Variants in PTPRQ observed in about 807,000 individuals in gnomAD.
The protein encoded by PTPRQ is phosphatidylinositol phosphatase PTPRQ.
In PTPRQ, 199 loss-of-function variants were observed where a neutral mutation model predicts 246.0. The ratio of observed to expected loss-of-function variants is 0.81; its 90% CI spans 0.72 to 0.91. The LOEUF (loss-of-function observed/expected upper bound fraction) is 0.91. Among genes scored for constraint, PTPRQ ranks in the 40% least tolerant of loss-of-function variants. The pLI, the probability that PTPRQ is intolerant of heterozygous loss-of-function variation, is 0.00. For missense variants in PTPRQ, 2,624 were observed against 2,528.4 expected (o/e 1.04, Z -0.81); for synonymous variants, 869 against 853.2 (o/e 1.02, Z -0.32).
intron 33 of PTPRQ, among the ~76,000 whole-genome samples, chr12:80,627,876 A>C (rs578100094): frequency 1.1e-3 from 174 of 152,260 alleles, no homozygotes; most frequent in African/African-American, 4.1e-3. Flanking sequence ...TGAATCAGAA[A>C]GTGTACTTGA....
Position 80,622,101 on chromosome 12 carries a change from G to A in PTPRQ, c.5653G>A (p.Asp1885Asn), listed in dbSNP as rs752287235. 6.9e-7 allele frequency: 1 copy of A among 1,448,758 alleles called. No homozygotes were observed. The highest frequency in any genetic ancestry group is 1.5e-5 in the South Asian group (1 of 66,676). The allele number at this position is 1,448,758 out of a possible 1,614,324, so 89.7% of individuals were successfully genotyped here. The change falls in exon 33 of 45, where the codon GAC becomes AAC. Residue 1885 changes from aspartate (D) to asparagine (N), a missense_variant. Transcript: ENST00000644991. The stretch of plus-strand genomic sequence containing the variant: ...TACAAATATTATGGGACAATTTACT[G>A]ACTCTGATTATTCTGACCCTGTTAA... ...RATNIMGQFT[D>N]SDYSDPVKTL...
chr12:80,571,691 T>C (rs1357110301), intron 25 of PTPRQ, among the ~76,000 whole-genome samples: 1 of 152,158 alleles, frequency 6.6e-6, no homozygotes, highest in Non-Finnish European at 1.5e-5. Context: ...TCTTGAATTT[T>C]GGGTGTGTAG....
chr12:80,460,249 T>C (rs1005765014), intron 5 of PTPRQ, among the ~76,000 whole-genome samples: 2 of 152,218 alleles, frequency 1.3e-5, no homozygotes, highest in African/African-American at 4.8e-5. Flanking sequence ...AGTGGCATAC[T>C]ACTACTTTTT....
chr12:80,478,455 C>G lies in PTPRQ; in HGVS notation c.1187-5978C>G, dbSNP rs538347278. 7.5e-3 allele frequency among the ~76,000 whole-genome samples: 1,146 copies of G among 152,108 alleles called. 14 individuals carry two copies. Among genetic ancestry groups the G allele is most frequent in the African/African-American group, 0.026 (1,091 of 41,436 alleles). ...AAAAACAGAACAGAAAAACTGGAAA[C>G]TCTAAAAAGCAGAGCGCCTCTCCTC... On this transcript the variant is annotated intron_variant, in intron 8 of 44. Coordinates refer to ENST00000644991, the MANE Select transcript of PTPRQ (RefSeq NM_001145026.2).
Position 80,546,793 on chromosome 12 carries a change from G to A in PTPRQ, c.4015+96G>A. The A allele has an allele frequency of 7.1e-6, 10 of 1,412,900 alleles. No individual in the cohort carries two copies. The South Asian group carries it at 1.5e-4, about 21-fold the overall frequency. 87.5% of individuals were successfully genotyped at this position (1,412,900 alleles called of 1,614,324 possible). ...TATATGATAAAGTATCATTACTTAAGAGTCTACTCAAAGGGAAATTGCATT... is the reference window on the plus strand; with the variant it reads ...TATATGATAAAGTATCATTACTTAAAAGTCTACTCAAAGGGAAATTGCATT... On this transcript the variant is annotated intron_variant, in intron 24 of 44. Transcript: ENST00000644991.
In PTPRQ at chr12:80,549,655, T is replaced by C. The variant is rs1236796920; in HGVS notation, c.4206T>C (p.Tyr1402=). 5 of 1,551,182 alleles carry C rather than the reference T, an allele frequency of 3.2e-6. No homozygotes were observed. The highest frequency in any genetic ancestry group is 2.4e-5 in the East Asian group (1 of 40,902). ...TFIKLLANTS[Y]VFKVRASTSA... The stretch of plus-strand genomic sequence containing the variant: ...TAAAGCTTCTTGCCAATACCTCATA[T>C]GTCTTTAAAGTAAGAGCTTCAACCT... Residue 1402 remains tyrosine (Y), a synonymous_variant, in exon 25 of 45, where the codon TAT becomes TAC. Coordinates refer to ENST00000644991, the MANE Select transcript of PTPRQ (RefSeq NM_001145026.2).
At chr12:80,501,055 G>A (rs1894784214) in intron 14 of PTPRQ, among the ~76,000 whole-genome samples, 1 of 151,838 alleles carries the variant, frequency 6.6e-6, no homozygotes, top group Non-Finnish European at 1.5e-5. Context: ...TGTTCCAGAG[G>A]AAGAACAGCA....
intron 25 of PTPRQ, among the ~76,000 whole-genome samples, chr12:80,550,608 A>AC (rs1896445524): frequency 6.6e-6 from 1 of 152,058 alleles, no homozygotes; most frequent in Non-Finnish European, 1.5e-5. Context: ...TAGATCTCAT[A>AC]CCATGTCATT....
chr12:80,672,931 A>G (rs1296900553), intron 42 of PTPRQ, among the ~76,000 whole-genome samples: 3 of 152,128 alleles, frequency 2.0e-5, no homozygotes, highest in Non-Finnish European at 4.4e-5. Context: ...GTTAAGTTCC[A>G]CTGATTAAAG....
intron 41 of PTPRQ, 42 bp downstream of exon 41, chr12:80,669,506 A>G: frequency 6.6e-7 from 1 of 1,521,232 alleles, no homozygotes; most frequent in Non-Finnish European, 8.8e-7. Flanking sequence ...GATATAAAAT[A>G]TGATTGATCT....
intron 25 of PTPRQ, among the ~76,000 whole-genome samples, chr12:80,582,692 T>G (rs1897482054): frequency 6.6e-6 from 1 of 152,126 alleles, no homozygotes; most frequent in African/African-American, 2.4e-5. Flanking sequence ...TCACTCAGTC[T>G]ATAGTAACTT....
chr12:80,451,044 C>A (rs1052136672), intron 3 of PTPRQ, among the ~76,000 whole-genome samples: 3 of 152,162 alleles, frequency 2.0e-5, no homozygotes, highest in African/African-American at 7.2e-5. Context: ...CGCTTATTGC[C>A]ACAATTTCAG....
intron 17 of PTPRQ, among the ~76,000 whole-genome samples, chr12:80,532,811 A>G (rs1895882620): frequency 6.6e-6 from 1 of 152,152 alleles, no homozygotes; most frequent in Non-Finnish European, 1.5e-5. Flanking sequence ...CCGAATCCAT[A>G]TTTTTCTCAC....
In PTPRQ at chr12:80,539,848, A is replaced by G. The variant is rs1373836854; in HGVS notation, c.3058A>G (p.Ile1020Val). The G allele has an allele frequency of 1.0e-5, 16 of 1,549,304 alleles. No individual in the cohort carries two copies. Among genetic ancestry groups the G allele is most frequent in the Non-Finnish European group, 1.1e-5 (13 of 1,145,916 alleles). Residue 1020 changes from isoleucine to valine, a missense_variant, in exon 20 of 45, where the codon ATA becomes GTA. Transcript: ENST00000644991. The part of the protein sequence containing the change: ...TVSTIIDKLT[I>V]FSYYTFWLTA... ...ATCCACAATTATAGATAAACTGACA[A>G]TATTCAGCTACTATACATTTTGGTT...
chr12:80,616,160 C>T (rs368110864), intron 29 of PTPRQ, 40 bp from the exon 30 acceptor site: 3 of 1,412,484 alleles, frequency 2.1e-6, no homozygotes, highest in Non-Finnish European at 2.8e-6. Flanking sequence ...CATACATAAG[C>T]AATCACTTGA....
At chr12:80,601,994 T>A (rs1263786446) in intron 26 of PTPRQ, among the ~76,000 whole-genome samples, 1 of 151,772 alleles carries the variant, frequency 6.6e-6, no homozygotes, top group Non-Finnish European at 1.5e-5. Flanking sequence ...TCTGTCTTCA[T>A]CATTAGCATC....
intron 25 of PTPRQ, among the ~76,000 whole-genome samples, chr12:80,586,058 A>G (rs868847947): frequency 2.0e-5 from 3 of 152,132 alleles, no homozygotes; most frequent in African/African-American, 7.2e-5. Flanking sequence ...TACAAAGGAC[A>G]TGAACTCATC....
chr12:80,584,633 TA>T (rs1169338678), intron 25 of PTPRQ, among the ~76,000 whole-genome samples: 1 of 152,166 alleles, frequency 6.6e-6, no homozygotes, highest in Non-Finnish European at 1.5e-5. Flanking sequence ...AAGCTGCAAT[TA>T]AACTTGTCTT....
intron 6 of PTPRQ, among the ~76,000 whole-genome samples, chr12:80,463,673 C>T (rs1046720416): frequency 3.0e-4 from 45 of 151,842 alleles, no homozygotes; most frequent in Non-Finnish European, 4.4e-4. Flanking sequence ...GATCTCTCGG[C>T]AGAAACCCTA....
Sources: allele counts gnomAD v4.1 joint callset (sites outside exome capture counted in the v4.1 genomes callset), GRCh38; gene constraint gnomAD v4.1.1; transcripts MANE v1.5; gene names NCBI Gene and HGNC (gene_info 2026-07-23, HGNC 2026-07-21).